ALMS1: variants seen among roughly 807,000 people sequenced by gnomAD.
ALMS1 encodes the protein ALMS1 centrosome and basal body associated protein.
A neutral mutation model predicts 352.2 loss-of-function variants in ALMS1; 271 were observed. That is an observed-to-expected ratio of 0.77 (90% CI 0.70 to 0.85). The LOEUF (loss-of-function observed/expected upper bound fraction) is 0.85, where lower values mean the gene tolerates loss of function less well. Among genes scored for constraint, ALMS1 ranks in the 40% least tolerant of loss-of-function variants. The pLI, the probability that ALMS1 is intolerant of heterozygous loss-of-function variation, is 0.00. For synonymous variants in ALMS1, 1,865 were observed against 1,761.2 expected (o/e 1.06, Z -1.48); for missense variants, 5,445 against 4,870.7 (o/e 1.12, Z -3.51).
rs750417761 is a variant in ALMS1, at chr2:73,449,696, A to G, written c.3169A>G (p.Ser1057Gly). ...SSSYPQREKP[S>G]VLYPQVLSDS... is the part of the protein sequence containing the mutation. ...TTCTTACCCACAGAGGGAGAAGCCT[A>G]GTGTTTTGTACCCACAGGTGTTATC... Residue 1057 changes from serine (S) to glycine (G), a missense_variant, in exon 8 of 23, where the codon AGT (serine) becomes GGT (glycine). Physicochemically the swap from Ser to Gly is moderately conservative, Grantham distance 56. Transcript: ENST00000613296. 2.5e-6 allele frequency: 4 copies of G among 1,614,016 alleles called. No individual in the cohort carries two copies. The highest frequency in any genetic ancestry group is 3.4e-6 in the Non-Finnish European group (4 of 1,179,948).
chr2:73,481,459 A>AC (rs1672701981), intron 9 of ALMS1, among the ~76,000 whole-genome samples: 1 of 152,150 alleles, frequency 6.6e-6, no homozygotes, highest in Non-Finnish European at 1.5e-5. Flanking sequence ...TACCAGTACC[A>AC]TGCTGTTTTG....
intron 7 of ALMS1, among the ~76,000 whole-genome samples, chr2:73,433,152 G>A (rs1427527825): frequency 6.6e-6 from 1 of 152,148 alleles, no homozygotes; most frequent in African/African-American, 2.4e-5. Context: ...AGGATTGGAG[G>A]GCAGTTCTGA....
At chr2:73,411,560 A>G (rs1318818860) in intron 2 of ALMS1, among the ~76,000 whole-genome samples, 6 of 152,126 alleles carry the variant, frequency 3.9e-5, no homozygotes, top group Non-Finnish European at 8.8e-5. Context: ...TTCACACAAT[A>G]CGAACCATGA....
intron 16 of ALMS1, among the ~76,000 whole-genome samples, chr2:73,594,088 A>C (rs1328477139): frequency 4.6e-5 from 7 of 152,254 alleles, no homozygotes; most frequent in Admixed American, 4.6e-4. Flanking sequence ...TCTTGGGTAT[A>C]TACCTAGGAG....
chr2:73,491,864 ACT>A (rs1291978900), intron 10 of ALMS1, among the ~76,000 whole-genome samples: 2 of 150,768 alleles, frequency 1.3e-5, no homozygotes, highest in South Asian at 2.1e-4. Flanking sequence ...GTGCTTGGTC[ACT>A]CTCTCTCCCG....
At chr2:73,488,290 G>A (rs1220428201) in intron 9 of ALMS1, among the ~76,000 whole-genome samples, 4 of 152,338 alleles carry the variant, frequency 2.6e-5, no homozygotes, top group East Asian at 1.9e-4. Context: ...CTGGAGGGGC[G>A]GCAGGGGGCT....
chr2:73,483,471 T>C (rs1477635132), intron 9 of ALMS1, among the ~76,000 whole-genome samples: 5 of 151,642 alleles, frequency 3.3e-5, no homozygotes, highest in East Asian at 1.9e-4. Context: ...TTTACATTTG[T>C]TGAGGAGAGC....
At chr2:73,521,580 CAAAAAAAAAA>C (rs565126393) in intron 11 of ALMS1, among the ~76,000 whole-genome samples, 1 of 94,902 alleles carries the variant, frequency 1.1e-5, no homozygotes, top group African/African-American at 3.5e-5. Flanking sequence ...ACTAAAAATA[CAAAAAAAAAA>C]AAAAAAAAAA....
chr2:73,549,169 T>A (rs1182618340), intron 12 of ALMS1, among the ~76,000 whole-genome samples: 2 of 152,216 alleles, frequency 1.3e-5, no homozygotes, highest in African/African-American at 4.8e-5. Context: ...CCTTTATATG[T>A]CCAGAAATGT....
At position 73,452,831 on chromosome 2, in the gene ALMS1, A is replaced by C. The variant is rs1386959032; in HGVS notation, c.6304A>C (p.Asn2102His). 3.1e-6 allele frequency: 5 copies of C among 1,613,860 alleles called. No homozygotes were observed. Among genetic ancestry groups the C allele is most frequent in the Non-Finnish European group, 3.4e-6 (4 of 1,179,986 alleles). The change falls in exon 8 of 23, where the codon AAT becomes CAT. Residue 2102 changes from asparagine (N) to histidine (H), a missense_variant. Transcript: ENST00000613296. ...SSSYFHREKS[N>H]IFSPQELPGS... The stretch of plus-strand genomic sequence containing the variant: ...TTCTTATTTTCACAGAGAGAAATCG[A>C]ATATTTTCAGTCCACAGGAATTGCC...
intron 21 of ALMS1, among the ~76,000 whole-genome samples, chr2:73,607,472 C>T (rs999365791): frequency 6.6e-6 from 1 of 152,086 alleles, no homozygotes; most frequent in African/African-American, 2.4e-5. Context: ...ACAAGATCCT[C>T]TCTGCAGCCC....
chr2:73,495,220 ATTGTTG>A (rs564873430), intron 10 of ALMS1, among the ~76,000 whole-genome samples: 1 of 151,466 alleles, frequency 6.6e-6, no homozygotes, highest in Admixed American at 6.6e-5. Flanking sequence ...CCCTCTTTTT[ATTGTTG>A]TTGTTGTTGT....
chr2:73,437,657 T>G (rs1671630779), intron 7 of ALMS1, among the ~76,000 whole-genome samples: 1 of 152,186 alleles, frequency 6.6e-6, no homozygotes, highest in Non-Finnish European at 1.5e-5. Flanking sequence ...TTTCTACCAG[T>G]AAGATCCTGA....
At chr2:73,607,766 C>T (rs904908001) in intron 21 of ALMS1, among the ~76,000 whole-genome samples, 11 of 151,966 alleles carry the variant, frequency 7.2e-5, no homozygotes, top group African/African-American at 2.7e-4. Context: ...GCCTCAGCCT[C>T]CTGAGTAGCT....
At chr2:73,545,768 TAACA>T (rs1329448841) in intron 12 of ALMS1, among the ~76,000 whole-genome samples, 1 of 152,212 alleles carries the variant, frequency 6.6e-6, no homozygotes, top group East Asian at 1.9e-4. Flanking sequence ...TAAATATACT[TAACA>T]AAAGAGGAGA....
chr2:73,545,847 G>A (rs759309988), intron 12 of ALMS1, among the ~76,000 whole-genome samples: 3 of 152,158 alleles, frequency 2.0e-5, no homozygotes, highest in East Asian at 1.9e-4. Context: ...ATATGACTAC[G>A]GAAGAATATG....
At chr2:73,430,694 A>C (rs990540129) in intron 6 of ALMS1, among the ~76,000 whole-genome samples, 1 of 152,170 alleles carries the variant, frequency 6.6e-6, no homozygotes, top group Non-Finnish European at 1.5e-5. Flanking sequence ...CAATATTTAG[A>C]ACAGTAACAT....
intron 10 of ALMS1, among the ~76,000 whole-genome samples, chr2:73,493,081 T>C (rs1020087646): frequency 2.0e-5 from 3 of 151,950 alleles, no homozygotes; most frequent in Non-Finnish European, 4.4e-5. Context: ...AAAAATGAGA[T>C]AAAGCTATGA....
At chr2:73,587,639 G>C (rs1033184911) in intron 16 of ALMS1, among the ~76,000 whole-genome samples, 2 of 152,152 alleles carry the variant, frequency 1.3e-5, no homozygotes, top group Non-Finnish European at 2.9e-5. Context: ...ACTTGACCAT[G>C]GTGGATTATC....
Sources: allele counts gnomAD v4.1 joint callset (sites outside exome capture counted in the v4.1 genomes callset), GRCh38; gene constraint gnomAD v4.1.1; transcripts MANE v1.5; gene names NCBI Gene and HGNC (gene_info 2026-07-23, HGNC 2026-07-21).